GPHN: variants seen among roughly 807,000 people sequenced by gnomAD.
GPHN encodes gephyrin.
GPHN carries 17 observed loss-of-function variants against 95.5 expected under a neutral mutation model. That is an observed-to-expected ratio of 0.18 (90% CI 0.12 to 0.27). The LOEUF (loss-of-function observed/expected upper bound fraction) is 0.27, where lower values mean the gene tolerates loss of function less well. GPHN is among the 10% of genes least tolerant of loss of function. The probability of loss-of-function intolerance (pLI) is 1.00; values close to 1 mark genes in which losing one functional copy is unlikely to be tolerated. For missense variants in GPHN, 660 were observed against 978.1 expected (o/e 0.67, Z 4.34); for synonymous variants, 320 against 322.5 (o/e 0.99, Z 0.08).
chr14:66,883,925 C>G (rs961070992), intron 5 of GPHN, among the ~76,000 whole-genome samples: 1 of 152,086 alleles, frequency 6.6e-6, no homozygotes, highest in African/African-American at 2.4e-5. Flanking sequence ...GAGAATCCAC[C>G]TTCTTTAGCT....
chr14:67,156,589 A>G (rs1373385468), intron 18 of GPHN, among the ~76,000 whole-genome samples: 1 of 152,166 alleles, frequency 6.6e-6, no homozygotes, highest in Admixed American at 6.6e-5. Context: ...TATTTCATGA[A>G]TCCTAAGGGA....
At chr14:66,695,658 G>A (rs182709663) in intron 2 of GPHN, among the ~76,000 whole-genome samples, 11 of 152,226 alleles carry the variant, frequency 7.2e-5, no homozygotes, top group South Asian at 2.1e-4. Context: ...TCCAGATAAT[G>A]GAATATTATT....
intron 4 of GPHN, among the ~76,000 whole-genome samples, chr14:66,834,453 T>A (rs8017426): frequency 0.011 from 1,663 of 152,058 alleles, 26 homozygotes; most frequent in African/African-American, 0.037. Flanking sequence ...TTATTGAGAG[T>A]TTTTAATATG....
At chr14:66,894,534 T>A (rs1001201156) in intron 5 of GPHN, among the ~76,000 whole-genome samples, 1 of 152,036 alleles carries the variant, frequency 6.6e-6, no homozygotes, top group Admixed American at 6.6e-5. Flanking sequence ...ACTAAAGAGC[T>A]TCTGCAAAGC....
chr14:67,426,185 C>T, the GPHN span, among the ~76,000 whole-genome samples: 270 of 152,186 alleles, frequency 1.8e-3, 1 homozygote, highest in African/African-American at 5.9e-3. Flanking sequence ...CCTTTTCCTG[C>T]GGAGAGACAA....
At chr14:67,504,918 C>T in the GPHN span, among the ~76,000 whole-genome samples, 1 of 151,828 alleles carries the variant, frequency 6.6e-6, no homozygotes, top group Admixed American at 6.6e-5. Flanking sequence ...AAAACAAAAA[C>T]ACAATAGAAC....
intron 1 of GPHN, among the ~76,000 whole-genome samples, chr14:66,512,424 T>C (rs757855028): frequency 6.6e-6 from 1 of 151,898 alleles, no homozygotes; most frequent in Non-Finnish European, 1.5e-5. Context: ...ATTAGTTCGC[T>C]ACAGCTAATG....
At chr14:67,196,223 C>CTT in the GPHN span, among the ~76,000 whole-genome samples, 180 of 143,136 alleles carry the variant, frequency 1.3e-3, 1 homozygote, top group African/African-American at 2.8e-3. Flanking sequence ...TTCTTTCTTT[C>CTT]TTTTTTTTTT....
At chr14:67,496,188 CTTA>C in the GPHN span, among the ~76,000 whole-genome samples, 2 of 152,116 alleles carry the variant, frequency 1.3e-5, no homozygotes, top group South Asian at 2.1e-4. Flanking sequence ...GACCCTATGT[CTTA>C]TTATTATTTT....
chr14:67,293,740 G>A, the GPHN span, among the ~76,000 whole-genome samples: 176 of 152,088 alleles, frequency 1.2e-3, no homozygotes, highest in Non-Finnish European at 1.9e-3. Context: ...TGACATATTT[G>A]AGAACACACA....
the GPHN span, among the ~76,000 whole-genome samples, chr14:67,551,604 G>A: frequency 8.3e-4 from 127 of 152,176 alleles, 2 homozygotes; most frequent in African/African-American, 2.9e-3. Context: ...GCAAGGCAGC[G>A]GTAATAATGT....
At chr14:67,612,108 A>T in the GPHN span, among the ~76,000 whole-genome samples, 1 of 152,206 alleles carries the variant, frequency 6.6e-6, no homozygotes, top group South Asian at 2.1e-4. Flanking sequence ...AATGCCAGCA[A>T]TGGGGAGTAG....
At chr14:67,669,621 G>A in the GPHN span, among the ~76,000 whole-genome samples, 1 of 152,086 alleles carries the variant, frequency 6.6e-6, no homozygotes, top group Non-Finnish European at 1.5e-5. Flanking sequence ...GCTATATTAT[G>A]TCATGATCTC....
the GPHN span, chr14:67,562,291 A>G: frequency 6.2e-7 from 1 of 1,613,848 alleles, no homozygotes; most frequent in Non-Finnish European, 8.5e-7. Context: ...CACCTTCCCC[A>G]GGTGCCCTGC....
At chr14:66,694,301 C>T (rs1336610149) in intron 2 of GPHN, among the ~76,000 whole-genome samples, 1 of 152,152 alleles carries the variant, frequency 6.6e-6, no homozygotes, top group Admixed American at 6.5e-5. Flanking sequence ...ACCTGAATTT[C>T]TTGGCACCTT....
At chr14:67,391,680 T>A in the GPHN span, among the ~76,000 whole-genome samples, 3 of 152,334 alleles carry the variant, frequency 2.0e-5, no homozygotes, top group African/African-American at 7.2e-5. Context: ...AAATGTCTGC[T>A]ACACTTCCTG....
intron 1 of GPHN, among the ~76,000 whole-genome samples, chr14:66,599,489 G>T (rs1355189258): frequency 6.7e-6 from 1 of 149,024 alleles, no homozygotes; most frequent in Non-Finnish European, 1.5e-5. Context: ...GGTTTTTTTG[G>T]ATGGTGGGAG....
intron 21 of GPHN, among the ~76,000 whole-genome samples, chr14:67,169,507 G>A (rs1441719044): frequency 2.0e-5 from 3 of 152,256 alleles, no homozygotes; most frequent in South Asian, 2.1e-4. Context: ...TCAGGGAAAG[G>A]GTAACCATAT....
At chr14:67,399,758 A>G in the GPHN span, among the ~76,000 whole-genome samples, 15 of 141,552 alleles carry the variant, frequency 1.1e-4, 1 homozygote, top group African/African-American at 4.3e-4. Context: ...AGAGAAGGGT[A>G]GTTTAGGTGG....
Sources: gnomAD v4.1 joint callset for allele counts (sites outside exome capture counted in the v4.1 genomes callset) on GRCh38, gnomAD v4.1.1 for gene constraint, MANE v1.5 for transcripts, NCBI Gene and HGNC (gene_info 2026-07-23, HGNC 2026-07-21) for gene names.